The following IRAG1 variants were observed in gnomAD, a reference collection of about 807,000 sequenced individuals.
IRAG1 encodes the protein inositol 1,4,5-triphosphate receptor associated 1.
In IRAG1, 62 loss-of-function variants were observed where a neutral mutation model predicts 106.2. The observed-to-expected ratio is 0.58, with a 90% CI of 0.48 to 0.72. The LOEUF (loss-of-function observed/expected upper bound fraction) is 0.72. IRAG1 is among the 30% of genes least tolerant of loss of function. IRAG1 has a pLI of 0.00. For missense variants in IRAG1, 1,064 were observed against 1,140.7 expected, an observed-to-expected ratio of 0.93 and a Z score of 0.97; for synonymous variants, 462 against 443.9, an observed-to-expected ratio of 1.04 and a Z score of -0.51.
chr11:10,627,796 G>A (rs1417038798), intron 7 of IRAG1, 36 bp from the exon 8 acceptor site: 4 of 1,613,480 alleles, frequency 2.5e-6, no homozygotes, highest in African/African-American at 1.3e-5. Context: ...AGTCAGCAAT[G>A]GGAAGAGACC....
intron 2 of IRAG1, among the ~76,000 whole-genome samples, chr11:10,643,035 C>T (rs772970849): frequency 2.0e-5 from 3 of 152,014 alleles, no homozygotes; most frequent in Admixed American, 6.5e-5. Flanking sequence ...ATTAGCCGGG[C>T]ATGGTGGCGG....
At position 10,628,755 on chromosome 11, in the gene IRAG1, CG is replaced by C; in HGVS notation, c.647del (p.Pro216ArgfsTer41). 1 of 1,534,494 alleles carries C rather than the reference CG, an allele frequency of 6.5e-7. No homozygotes were observed. Among genetic ancestry groups the C allele is most frequent in the Non-Finnish European group, 8.7e-7 (1 of 1,147,322 alleles). On this transcript the variant is annotated frameshift_variant, in exon 6 of 21. Transcript: ENST00000423302. LOFTEE classifies it high-confidence loss of function. The surrounding 1 kb of genome is among the most constrained non-coding windows in gnomAD (Gnocchi z 4.1). Reference sequence around the variant, plus strand: ...CCCCGGGCAGCTGGGCCTCACCTGGCGGGGTGGGGACTGTAAGTGAGTTGCT... The same window carrying C: ...CCCCGGGCAGCTGGGCCTCACCTGGCGGGTGGGGACTGTAAGTGAGTTGCT... Reference protein sequence around the residue: ...SRSNSLTVPTPPGLDVCSGPP... With the variant: ...SRSNSLTVPTXPGLDVCSGPP...
At chr11:10,629,039 G>A (rs1856490657) in intron 5 of IRAG1, among the ~76,000 whole-genome samples, 1 of 151,990 alleles carries the variant, frequency 6.6e-6, no homozygotes, top group Non-Finnish European at 1.5e-5. Context: ...GCCATTTGGG[G>A]GTTCGAGGAT....
At chr11:10,622,823 T>G (rs1478985669) in intron 10 of IRAG1, among the ~76,000 whole-genome samples, 1 of 149,404 alleles carries the variant, frequency 6.7e-6, no homozygotes, top group Non-Finnish European at 1.5e-5. Context: ...ATTCGTTCAT[T>G]CAACAAATAC....
At chr11:10,633,295 T>G (rs1283600595) in intron 3 of IRAG1, among the ~76,000 whole-genome samples, 5 of 152,172 alleles carry the variant, frequency 3.3e-5, no homozygotes, top group Admixed American at 1.3e-4. Context: ...CAGGATGGTC[T>G]CGATCTCCTG....
Position 10,656,446 on chromosome 11 carries a change from ACTC to A in IRAG1, c.68-4267_68-4265del, listed in dbSNP as rs1051171479. Among the ~76,000 whole-genome samples the A allele has an allele frequency of 5.3e-5, 8 of 152,178 alleles. No homozygotes were observed. The East Asian group carries it at 1.4e-3, about 26-fold the overall frequency. ...GTATCTGGTGCAAATCTTCCAAGAG[ACTC>A]TGCTGGGATAACTATCCAGTAATTT... On this transcript the variant is annotated intron_variant, in intron 1 of 20. Coordinates refer to ENST00000423302, the MANE Select transcript of IRAG1 (RefSeq NM_130385.4).
At chr11:10,681,774 T>G (rs1206982208) in intron 1 of IRAG1, among the ~76,000 whole-genome samples, 1 of 152,222 alleles carries the variant, frequency 6.6e-6, no homozygotes, top group Admixed American at 6.5e-5. Context: ...AGACCTTGAC[T>G]GCCCTTAAAC....
At chr11:10,652,636 G>A (rs879556339) in intron 1 of IRAG1, among the ~76,000 whole-genome samples, 8 of 152,200 alleles carry the variant, frequency 5.3e-5, no homozygotes, top group South Asian at 2.1e-4. Context: ...TGAGAGAACC[G>A]CCCCAGAGAG....
rs1856480521 is a variant in IRAG1 at position 10,628,915 on chromosome 11, C to T, written c.575-87G>A. The stretch of plus-strand genomic sequence containing the variant: ...GGCATCCTTTTAGGTATTCCCAGGC[C>T]CTGGGAACTGGGTCTGCCTTGCTGG... On this transcript the variant is annotated intron_variant, in intron 5 of 20. Coordinates refer to ENST00000423302, the MANE Select transcript of IRAG1 (RefSeq NM_130385.4). The surrounding 1 kb of genome is among the most constrained non-coding windows in gnomAD (Gnocchi z 4.1). 3.8e-6 allele frequency: 5 copies of T among 1,301,894 alleles called. No homozygotes were observed. Among genetic ancestry groups the T allele is most frequent in the Non-Finnish European group, 5.3e-6 (5 of 938,290 alleles). The allele number at this position is 1,301,894 out of a possible 1,614,324, so 80.6% of individuals were successfully genotyped here. A position where few individuals can be genotyped will look rare whatever the true frequency, so the allele number is the denominator to read the frequency against.
At chr11:10,645,333 G>A (rs948348494) in intron 2 of IRAG1, among the ~76,000 whole-genome samples, 30 of 152,170 alleles carry the variant, frequency 2.0e-4, no homozygotes, top group Admixed American at 1.9e-3. Context: ...TTACAACCAT[G>A]AGACAGTGGA....
At chr11:10,643,092 G>C (rs564105837) in intron 2 of IRAG1, among the ~76,000 whole-genome samples, 1 of 139,628 alleles carries the variant, frequency 7.2e-6, no homozygotes, top group African/African-American at 2.6e-5. Context: ...GGAGAATGGC[G>C]TGAACCCAGG....
intron 2 of IRAG1, among the ~76,000 whole-genome samples, chr11:10,641,628 G>T (rs1009821992): frequency 1.3e-5 from 2 of 152,088 alleles, no homozygotes; most frequent in Non-Finnish European, 2.9e-5. Context: ...GACCCCCCTC[G>T]TGTTTTCTCA....
chr11:10,626,510 C>A lies in IRAG1; in HGVS notation c.824G>T (p.Arg275Leu). 6.2e-7 allele frequency: 1 copy of A among 1,613,344 alleles called. No individual in the cohort carries two copies. Among genetic ancestry groups the A allele is most frequent in the Non-Finnish European group, 8.5e-7 (1 of 1,179,602 alleles). ...TTTGGACTTCTCAACTGGAGGAGGA[C>A]GAGGAGCCAGCCTGCCCTGAGACAC... ...RKVSQGRLAPRPPPVEKSKEI... is the reference protein window; with the variant it reads ...RKVSQGRLAPLPPPVEKSKEI... The change falls in exon 9 of 21, where the codon CGT (arginine) becomes CTT (leucine). Residue 275 changes from arginine (R) to leucine (L), a missense_variant. Transcript: ENST00000423302.
At chr11:10,615,797 G>T (rs977608983) in intron 10 of IRAG1, among the ~76,000 whole-genome samples, 1 of 151,912 alleles carries the variant, frequency 6.6e-6, no homozygotes, top group African/African-American at 2.4e-5. Context: ...TCCGGGGGAT[G>T]GGGGAGGGAT....
At chr11:10,670,768 G>C (rs1025453780) in intron 1 of IRAG1, among the ~76,000 whole-genome samples, 1 of 152,144 alleles carries the variant, frequency 6.6e-6, no homozygotes, top group African/African-American at 2.4e-5. Context: ...AGGAAATTTG[G>C]ATGTAGAGGC....
At chr11:10,622,876 GACACACAC>G (rs10525799) in intron 10 of IRAG1, among the ~76,000 whole-genome samples, 16 of 141,384 alleles carry the variant, frequency 1.1e-4, no homozygotes, top group African/African-American at 2.9e-4. Flanking sequence ...GTAAGCAGTG[GACACACAC>G]ACACACACAC....
intron 9 of IRAG1, among the ~76,000 whole-genome samples, chr11:10,625,026 A>G (rs1387218203): frequency 6.6e-6 from 1 of 152,154 alleles, no homozygotes; most frequent in African/African-American, 2.4e-5. Context: ...GTAAAATGTT[A>G]ACATCAGCAG....
chr11:10,667,146 TTTG>T (rs1859850470), intron 1 of IRAG1, among the ~76,000 whole-genome samples: 1 of 141,698 alleles, frequency 7.1e-6, no homozygotes. Flanking sequence ...TTTTCGTTTT[TTTG>T]TTTTTGTTTT....
chr11:10,623,640 C>A (rs78731586), intron 10 of IRAG1, 138 bp downstream of exon 10: 2 of 813,248 alleles, frequency 2.5e-6, no homozygotes, highest in Admixed American at 2.2e-5. Flanking sequence ...GCAGAAGACA[C>A]AATCGGATTC....
Sources: allele counts gnomAD v4.1 joint callset (sites outside exome capture counted in the v4.1 genomes callset), GRCh38; gene constraint gnomAD v4.1.1; non-coding constraint Gnocchi (gnomAD v3.1); transcripts MANE v1.5; gene names NCBI Gene and HGNC (gene_info 2026-07-23, HGNC 2026-07-21).